Variants in LRRC53 observed in about 807,000 individuals in gnomAD.
LRRC53 encodes the protein leucine-rich repeat-containing protein 53.
LRRC53 carries 25 observed loss-of-function variants against 13.6 expected under a neutral mutation model. The observed-to-expected ratio is 1.83, with a 90% CI of 1.34 to 2.56. The LOEUF is 2.56. LRRC53 is among the 30% of genes most tolerant of loss of function. LRRC53 has a pLI of 0.00. For missense variants in LRRC53, 527 were observed against 275.8 expected (o/e 1.91, Z -6.45); for synonymous variants, 204 against 109.8 (o/e 1.86, Z -5.37).
At chr1:74,521,774 G>T in the LRRC53 span, among the ~76,000 whole-genome samples, 75 of 152,248 alleles carry the variant, frequency 4.9e-4, no homozygotes, top group African/African-American at 1.7e-3. Flanking sequence ...ATACATGAAT[G>T]AATAAATGGG....
the LRRC53 span, among the ~76,000 whole-genome samples, chr1:74,534,333 C>G: frequency 6.6e-6 from 1 of 152,166 alleles, no homozygotes; most frequent in Admixed American, 6.6e-5. Context: ...AAAAATGATT[C>G]CTTTTGGACT....
At chr1:74,528,671 G>T in the LRRC53 span, among the ~76,000 whole-genome samples, 1 of 152,184 alleles carries the variant, frequency 6.6e-6, no homozygotes. Context: ...TGGAGATGTT[G>T]CTGGAAACTT....
chr1:74,533,373 C>T, the LRRC53 span, among the ~76,000 whole-genome samples: 1 of 152,178 alleles, frequency 6.6e-6, no homozygotes, highest in East Asian at 1.9e-4. Context: ...TACCATCTCA[C>T]ACCAGTTAGA....
chr1:74,499,962 C>G (rs927887274), intron 1 of LRRC53, among the ~76,000 whole-genome samples: 1 of 151,690 alleles, frequency 6.6e-6, no homozygotes, highest in Non-Finnish European at 1.5e-5. Flanking sequence ...TTTTTCTCAC[C>G]CTATCTTTCT....
upstream of LRRC53, among the ~76,000 whole-genome samples, chr1:74,515,702 T>C (rs1646339546): frequency 6.6e-6 from 1 of 152,160 alleles, no homozygotes; most frequent in Non-Finnish European, 1.5e-5. Context: ...GGATGGAGAC[T>C]GAACACTGAT....
At chr1:74,498,017 CA>C (rs1434586309) in intron 1 of LRRC53, among the ~76,000 whole-genome samples, 1 of 152,006 alleles carries the variant, frequency 6.6e-6, no homozygotes, top group Admixed American at 6.6e-5. Context: ...TTTGTATTCC[CA>C]AGGACTAAAG....
At chr1:74,527,577 C>T in the LRRC53 span, among the ~76,000 whole-genome samples, 9 of 152,196 alleles carry the variant, frequency 5.9e-5, no homozygotes, top group East Asian at 1.7e-3. Context: ...GGAGACAGGG[C>T]AGACAGGGAC....
upstream of LRRC53, among the ~76,000 whole-genome samples, chr1:74,514,537 C>G (rs796221714): frequency 2.0e-5 from 3 of 152,206 alleles, no homozygotes; most frequent in African/African-American, 7.2e-5. Context: ...TACTAGTACA[C>G]ATATTATTAA....
At chr1:74,513,090 A>C (rs1646285840), upstream of LRRC53, among the ~76,000 whole-genome samples, 1 of 152,236 alleles carries the variant, frequency 6.6e-6, no homozygotes, top group African/African-American at 2.4e-5. Context: ...TTCTGTTGTT[A>C]GAATCAACCT....
At chr1:74,516,651 G>A (rs1332196683), upstream of LRRC53, among the ~76,000 whole-genome samples, 1 of 152,144 alleles carries the variant, frequency 6.6e-6, no homozygotes, top group African/African-American at 2.4e-5. Context: ...AACAGTAAGT[G>A]GCATGGTCAG....
rs1374276933 is a variant in LRRC53, at chr1:74,469,982, A to G, written c.3640T>C (p.Leu1214=). The change falls in exon 5 of 5, where the codon TTA becomes CTA. Residue 1214 remains leucine (L), a synonymous_variant. Coordinates refer to ENST00000294635, the MANE Select transcript of LRRC53 (RefSeq NM_001382280.1). The part of the protein sequence containing the change: ...DSFEAENEVF[L]VPSRINEAEN... ...GCTTCATTTATTCTGCTAGGAACTA[A>G]AAACACCTCATTTTCTGCCTCAAAA... The G allele has an allele frequency of 7.5e-6, 3 of 400,590 alleles. No individual in the cohort carries two copies. Among genetic ancestry groups the G allele is most frequent in the African/African-American group, 6.2e-5 (3 of 48,710 alleles). The allele number at this position is 400,590 out of a possible 1,614,324, so 24.8% of individuals were successfully genotyped here. A position where few individuals can be genotyped will look rare whatever the true frequency, so the allele number is the denominator to read the frequency against.
chr1:74,489,330 C>A, intron 1 of LRRC53: 2 of 1,445,486 alleles, frequency 1.4e-6, no homozygotes, highest in Non-Finnish European at 9.4e-7. Flanking sequence ...TGAGCTGGTG[C>A]TTATGAAAAG....
At chr1:74,512,353 G>A (rs1218611464) in intron 1 of LRRC53, among the ~76,000 whole-genome samples, 173 bp downstream of exon 1, 1 of 152,086 alleles carries the variant, frequency 6.6e-6, no homozygotes, top group Non-Finnish European at 1.5e-5. Context: ...AACACTGCAG[G>A]GTGGCTCATG....
At chr1:74,488,673 G>A (rs1241563828) in intron 1 of LRRC53, among the ~76,000 whole-genome samples, 1 of 151,994 alleles carries the variant, frequency 6.6e-6, no homozygotes, top group Non-Finnish European at 1.5e-5. Context: ...ATTTTTAATG[G>A]CACTGTCTGA....
At chr1:74,531,812 G>T in the LRRC53 span, among the ~76,000 whole-genome samples, 1 of 152,174 alleles carries the variant, frequency 6.6e-6, no homozygotes, top group Non-Finnish European at 1.5e-5. Context: ...GGATAAGTGT[G>T]CATATGGCAT....
intron 1 of LRRC53, among the ~76,000 whole-genome samples, chr1:74,510,462 C>T (rs767975041): frequency 6.6e-5 from 10 of 151,994 alleles, no homozygotes; most frequent in Admixed American, 6.6e-5. Flanking sequence ...GAGCCGACAT[C>T]GCGCCACTGC....
intron 1 of LRRC53, among the ~76,000 whole-genome samples, chr1:74,484,545 G>T (rs1197356123): frequency 6.6e-6 from 1 of 152,132 alleles, no homozygotes; most frequent in Admixed American, 6.6e-5. Context: ...TGACTCGAGG[G>T]CTCTAAATAT....
At chr1:74,501,063 C>G (rs1432321234) in intron 1 of LRRC53, among the ~76,000 whole-genome samples, 1 of 152,074 alleles carries the variant, frequency 6.6e-6, no homozygotes, top group Non-Finnish European at 1.5e-5. Context: ...TTCTTTATTA[C>G]TTCTTCTTTA....
intron 1 of LRRC53, among the ~76,000 whole-genome samples, chr1:74,505,502 A>C (rs1669846779): frequency 6.6e-6 from 1 of 152,338 alleles, no homozygotes; most frequent in African/African-American, 2.4e-5. Flanking sequence ...TTTCTGAAGC[A>C]GCTCTTACAA....
Sources: allele counts gnomAD v4.1 joint callset (sites outside exome capture counted in the v4.1 genomes callset), GRCh38; gene constraint gnomAD v4.1.1; transcripts MANE v1.5; gene names NCBI Gene and HGNC (gene_info 2026-07-23, HGNC 2026-07-21).